JAKMIP3: variants seen among roughly 807,000 people sequenced by gnomAD.
JAKMIP3 encodes the protein janus kinase and microtubule-interacting protein 3.
JAKMIP3 carries 58 observed loss-of-function variants against 118.5 expected under a neutral mutation model. The observed-to-expected ratio is 0.49, with a 90% CI of 0.40 to 0.61. The LOEUF is 0.61. Ranked by LOEUF, JAKMIP3 falls within the 20% of genes least tolerant of loss-of-function variation. The pLI, the probability that JAKMIP3 is intolerant of heterozygous loss-of-function variation, is 0.00. For missense variants in JAKMIP3, 950 were observed against 1,109.0 expected, an observed-to-expected ratio of 0.86 and a Z score of 2.04; for synonymous variants, 486 against 451.2, an observed-to-expected ratio of 1.08 and a Z score of -0.98.
At chr10:132,180,564 T>TGTGTGCGTGC (rs2060759424) in intron 23 of JAKMIP3, among the ~76,000 whole-genome samples, 3 of 50,762 alleles carry the variant, frequency 5.9e-5, no homozygotes, top group South Asian at 1.6e-3. Context: ...CATGCGTGTG[T>TGTGTGCGTGC]GTGCGTGTGT....
intron 1 of JAKMIP3, among the ~76,000 whole-genome samples, chr10:132,047,354 G>A (rs1399670366): frequency 3.3e-5 from 5 of 152,334 alleles, no homozygotes; most frequent in Non-Finnish European, 7.3e-5. Context: ...GATAGTTACC[G>A]TGGCAATAGC....
chr10:132,163,899 G>A (rs2058635910), intron 20 of JAKMIP3, among the ~76,000 whole-genome samples: 1 of 152,230 alleles, frequency 6.6e-6, no homozygotes, highest in Non-Finnish European at 1.5e-5. Flanking sequence ...TTGCCTCAGG[G>A]CACTGTGGGA....
intron 19 of JAKMIP3, among the ~76,000 whole-genome samples, chr10:132,161,057 G>C (rs1254366143): frequency 6.3e-5 from 7 of 111,910 alleles, no homozygotes; most frequent in African/African-American, 1.6e-4. Context: ...CTGGGGGCGT[G>C]TCTTTCTGTG....
intron 19 of JAKMIP3, among the ~76,000 whole-genome samples, chr10:132,159,434 G>GT (rs1433648757): frequency 4.2e-5 from 4 of 96,302 alleles, no homozygotes; most frequent in Non-Finnish European, 7.9e-5. Flanking sequence ...CCGGGGGTGT[G>GT]TTTTTTCTGC....
chr10:132,167,797 T>C (rs1383905176), intron 22 of JAKMIP3, among the ~76,000 whole-genome samples, 156 bp from the exon 23 acceptor site: 1 of 150,768 alleles, frequency 6.6e-6, no homozygotes, highest in African/African-American at 2.5e-5. Flanking sequence ...CACGCAGCCC[T>C]TCGGTCCTCA....
At chr10:132,156,814 A>G (rs932015184) in intron 19 of JAKMIP3, among the ~76,000 whole-genome samples, 4 of 152,176 alleles carry the variant, frequency 2.6e-5, no homozygotes, top group Non-Finnish European at 4.4e-5. Context: ...AGGTTTTTAA[A>G]TCCAGCCCAC....
chr10:132,085,495 TTCTC>T (rs1277711779), intron 1 of JAKMIP3, among the ~76,000 whole-genome samples: 2 of 143,308 alleles, frequency 1.4e-5, no homozygotes, highest in Non-Finnish European at 3.0e-5. Flanking sequence ...TCTATCAATT[TTCTC>T]TCTCTTTTTT....
At position 132,159,570 on chromosome 10, in the gene JAKMIP3, GTGTCTCCCTGTGTGATGCTGGGGGCA is replaced by G. The variant is rs2057655735; in HGVS notation, c.2221-3633_2221-3608del. On this transcript the variant is annotated intron_variant, in intron 19 of 23. Coordinates refer to ENST00000684848, the MANE Select transcript of JAKMIP3 (RefSeq NM_001323087.2). ...TCTCCCTGTGTGATGCTGGGGGGGC[GTGTCTCCCTGTGTGATGCTGGGGGCA>G]TGTCTTCCTATGTGATGCTGGGGGT... Among the ~76,000 whole-genome samples the G allele has an allele frequency of 8.7e-5, 4 of 45,722 alleles. No individual in the cohort carries two copies. In the South Asian group the frequency reaches 2.6e-3, roughly 29 times the overall value. The allele number at this position is 45,722 out of a possible 152,430, so 30.0% of individuals were successfully genotyped here. A position where few individuals can be genotyped will look rare whatever the true frequency, so the allele number is the denominator to read the frequency against.
intron 9 of JAKMIP3, among the ~76,000 whole-genome samples, chr10:132,139,076 A>ATG (rs1292750829): frequency 8.4e-6 from 1 of 118,914 alleles, no homozygotes; most frequent in African/African-American, 3.0e-5. Context: ...GTGTATGTGT[A>ATG]TGTGTGTGTG....
At chr10:132,104,269 G>A (rs1275549002) in intron 1 of JAKMIP3, among the ~76,000 whole-genome samples, 4 of 152,160 alleles carry the variant, frequency 2.6e-5, no homozygotes, top group African/African-American at 9.7e-5. Flanking sequence ...GAGGAGCCCG[G>A]TCACGGGGTC....
intron 2 of JAKMIP3, among the ~76,000 whole-genome samples, chr10:132,111,183 G>A (rs978944420): frequency 3.3e-5 from 5 of 152,218 alleles, no homozygotes; most frequent in African/African-American, 9.6e-5. Context: ...TGGAAGCTCC[G>A]GCCTCCTGCC....
At chr10:132,169,364 C>A (rs533014040) in intron 23 of JAKMIP3, among the ~76,000 whole-genome samples, 1 of 152,196 alleles carries the variant, frequency 6.6e-6, no homozygotes, top group Non-Finnish European at 1.5e-5. Context: ...GGCCGCTCTC[C>A]GAGTGCGCCT....
chr10:132,148,123 C>G, intron 14 of JAKMIP3, 73 bp downstream of exon 14: 1 of 886,684 alleles, frequency 1.1e-6, no homozygotes, highest in Non-Finnish European at 1.8e-6. Flanking sequence ...TCCTAACCCA[C>G]ACAAAGCCCT....
chr10:132,081,839 C>T (rs2041810786), intron 1 of JAKMIP3, among the ~76,000 whole-genome samples: 3 of 152,178 alleles, frequency 2.0e-5, no homozygotes, highest in Middle Eastern at 3.4e-3. Flanking sequence ...CGCTTCCCTA[C>T]AGAGCAGCCC....
At position 132,149,493 on chromosome 10, in the gene JAKMIP3, G is replaced by A. The variant is rs1476463090; in HGVS notation, c.1930G>A (p.Glu644Lys). 5.7e-6 allele frequency: 9 copies of A among 1,584,372 alleles called. No homozygotes were observed. Among genetic ancestry groups the A allele is most frequent in the South Asian group, 2.3e-5 (2 of 88,152 alleles). ...GAAGAGCCCCCTCCAGGTGTACTGC[G>A]AGGCCGAAGGTGTGACGGTGAGTCC... ...DGKSPLQVYC[E>K]AEGVTDIVVA... The change falls in exon 15 of 24, where the codon GAG becomes AAG. Residue 644 changes from glutamate to lysine, a missense_variant. By Grantham distance (56) the Glu-to-Lys change is moderately conservative (BLOSUM62 1). Transcript: ENST00000684848.
chr10:132,104,085 C>T (rs540525633), intron 1 of JAKMIP3, among the ~76,000 whole-genome samples: 9 of 152,350 alleles, frequency 5.9e-5, no homozygotes, highest in African/African-American at 2.2e-4. Flanking sequence ...GGATAATATT[C>T]TGCTACGTGG....
At position 132,126,664 on chromosome 10, in the gene JAKMIP3, G is replaced by C. The variant is rs918646901; in HGVS notation, c.634-6648G>C. On this transcript the variant is annotated intron_variant, in intron 3 of 23. Coordinates refer to ENST00000684848, the MANE Select transcript of JAKMIP3 (RefSeq NM_001323087.2). ...TTCATCAGATTAAGAAAATTCCCTCGTATTCCTACTTTGCTAAGCATTTTT... is the reference window on the plus strand; with the variant it reads ...TTCATCAGATTAAGAAAATTCCCTCCTATTCCTACTTTGCTAAGCATTTTT... Among the ~76,000 whole-genome samples the C allele has an allele frequency of 2.0e-5, 3 of 152,092 alleles. No homozygotes were observed. The East Asian group carries it at 5.8e-4, about 29-fold the overall frequency.
chr10:132,087,195 AT>A (rs1261981022), intron 1 of JAKMIP3, among the ~76,000 whole-genome samples: 1 of 152,192 alleles, frequency 6.6e-6, no homozygotes, highest in Non-Finnish European at 1.5e-5. Context: ...GCACCAATCC[AT>A]TCTAGCTTGT....
At chr10:132,111,557 G>A (rs1415648659) in intron 2 of JAKMIP3, among the ~76,000 whole-genome samples, 1 of 152,030 alleles carries the variant, frequency 6.6e-6, no homozygotes, top group Admixed American at 6.6e-5. Flanking sequence ...GGCAGGAGGG[G>A]GCCTAGTAAC....
Sources: gnomAD v4.1 joint callset for allele counts (sites outside exome capture counted in the v4.1 genomes callset) on GRCh38, gnomAD v4.1.1 for gene constraint, MANE v1.5 for transcripts, NCBI Gene and HGNC (gene_info 2026-07-23, HGNC 2026-07-21) for gene names.